Variants in GALNT13 observed in about 807,000 individuals in gnomAD.
GALNT13 encodes polypeptide N-acetylgalactosaminyltransferase 13.
A neutral mutation model predicts 64.2 loss-of-function variants in GALNT13; 28 were observed. That is an observed-to-expected ratio of 0.44 (90% CI 0.32 to 0.60). The LOEUF is 0.60. GALNT13 is among the 20% of genes least tolerant of loss of function. The pLI is 0.05. For missense variants in GALNT13, 577 were observed against 669.8 expected (o/e 0.86, Z 1.53); for synonymous variants, 214 against 224.6 (o/e 0.95, Z 0.42).
chr2:154,089,384 T>G (rs1412472359), intron 3 of GALNT13, among the ~76,000 whole-genome samples: 1 of 152,004 alleles, frequency 6.6e-6, no homozygotes, highest in East Asian at 1.9e-4. Flanking sequence ...GCCCTTTGAG[T>G]GAGTAGAGGC....
intron 2 of GALNT13, among the ~76,000 whole-genome samples, chr2:153,935,781 C>T (rs1395262410): frequency 6.6e-6 from 1 of 152,196 alleles, no homozygotes; most frequent in Non-Finnish European, 1.5e-5. Context: ...GGCTCTGATT[C>T]TGGATCTAGG....
chr2:154,135,340 C>G (rs895406554), intron 3 of GALNT13, among the ~76,000 whole-genome samples: 1 of 152,052 alleles, frequency 6.6e-6, no homozygotes, highest in Non-Finnish European at 1.5e-5. Context: ...TAAAATGCTA[C>G]CTTATTGATT....
chr2:154,234,374 A>T (rs927441035), intron 4 of GALNT13, among the ~76,000 whole-genome samples: 1 of 151,656 alleles, frequency 6.6e-6, no homozygotes, highest in Non-Finnish European at 1.5e-5. Flanking sequence ...CAATGTAGAT[A>T]TCGGAGCAGT....
At chr2:154,207,679 A>G (rs1386907351) in intron 4 of GALNT13, among the ~76,000 whole-genome samples, 1 of 152,208 alleles carries the variant, frequency 6.6e-6, no homozygotes, top group East Asian at 1.9e-4. Context: ...TTAGGATCCC[A>G]GGAAAAAGGG....
chr2:153,344,687 C>T, the GALNT13 span, among the ~76,000 whole-genome samples: 1 of 152,096 alleles, frequency 6.6e-6, no homozygotes, highest in Non-Finnish European at 1.5e-5. Flanking sequence ...CATCATGTGA[C>T]TATAGATAAT....
chr2:153,789,776 C>CAT, the GALNT13 span, among the ~76,000 whole-genome samples: 53 of 152,118 alleles, frequency 3.5e-4, no homozygotes, highest in Admixed American at 1.8e-3. Flanking sequence ...CAGAAAAACA[C>CAT]ATAACAATTA....
the GALNT13 span, among the ~76,000 whole-genome samples, chr2:153,359,730 ATATGACACAGATGTTGAAAG>A: frequency 6.6e-6 from 1 of 151,870 alleles, no homozygotes; most frequent in South Asian, 2.1e-4. Flanking sequence ...TAAAACTCAG[ATATGACACAGATGTTGAAAG>A]TATTTGACAG....
At chr2:153,912,181 G>A (rs997537075) in intron 2 of GALNT13, among the ~76,000 whole-genome samples, 1 of 151,906 alleles carries the variant, frequency 6.6e-6, no homozygotes, top group African/African-American at 2.4e-5. Flanking sequence ...TCTTTACTCA[G>A]CTTGGTCTAA....
chr2:154,136,642 T>G (rs982222666), intron 3 of GALNT13, among the ~76,000 whole-genome samples: 1 of 152,152 alleles, frequency 6.6e-6, no homozygotes, highest in Non-Finnish European at 1.5e-5. Context: ...TTAAATTTTT[T>G]AAGTAGGTTC....
At chr2:153,609,084 GT>G in the GALNT13 span, among the ~76,000 whole-genome samples, 1 of 142,764 alleles carries the variant, frequency 7.0e-6, no homozygotes, top group Non-Finnish European at 1.5e-5. Context: ...GACCAGCTAA[GT>G]TTTTTTGTTT....
chr2:153,640,854 G>C, the GALNT13 span, among the ~76,000 whole-genome samples: 1 of 152,096 alleles, frequency 6.6e-6, no homozygotes. Flanking sequence ...GAAGAATAAT[G>C]TTAGCTTAAC....
chr2:154,310,841 C>A (rs1022149263), intron 9 of GALNT13, among the ~76,000 whole-genome samples: 10 of 151,896 alleles, frequency 6.6e-5, no homozygotes. Flanking sequence ...AAAAATACGG[C>A]CTTCCACATA....
chr2:154,392,682 A>G (rs1331498223), intron 9 of GALNT13, among the ~76,000 whole-genome samples: 1 of 152,150 alleles, frequency 6.6e-6, no homozygotes, highest in Non-Finnish European at 1.5e-5. Flanking sequence ...TGGTTAAGAC[A>G]GATTCAATTA....
chr2:154,079,686 A>C (rs1701172752), intron 3 of GALNT13, among the ~76,000 whole-genome samples: 1 of 151,562 alleles, frequency 6.6e-6, no homozygotes, highest in Admixed American at 6.6e-5. Context: ...ATGAGCATGC[A>C]GAGTGTGATT....
At chr2:153,583,245 C>G in the GALNT13 span, among the ~76,000 whole-genome samples, 2 of 152,050 alleles carry the variant, frequency 1.3e-5, no homozygotes, top group Non-Finnish European at 2.9e-5. Context: ...AGCTGATAGG[C>G]TGAGCAAAAA....
At chr2:153,669,578 G>T in the GALNT13 span, among the ~76,000 whole-genome samples, 214 of 152,204 alleles carry the variant, frequency 1.4e-3, no homozygotes, top group African/African-American at 5.1e-3. Context: ...GGCCAAATAG[G>T]AACAGCTCTG....
intron 3 of GALNT13, among the ~76,000 whole-genome samples, chr2:154,026,412 C>T (rs1298063223): frequency 6.6e-6 from 1 of 152,096 alleles, no homozygotes. Context: ...CTTGTGTTCC[C>T]TGTTGATCAT....
the GALNT13 span, among the ~76,000 whole-genome samples, chr2:153,135,987 TG>T: frequency 6.6e-6 from 1 of 152,104 alleles, no homozygotes; most frequent in South Asian, 2.1e-4. Flanking sequence ...GATGCAGGAA[TG>T]GTTGGTCAAT....
chr2:153,904,098 G>A (rs1337360736), intron 2 of GALNT13, among the ~76,000 whole-genome samples: 2 of 151,918 alleles, frequency 1.3e-5, no homozygotes, highest in Admixed American at 6.6e-5. Context: ...TCAGTGTATG[G>A]TGTCCTTTTC....
Sources: gnomAD v4.1 joint callset for allele counts (sites outside exome capture counted in the v4.1 genomes callset) on GRCh38, gnomAD v4.1.1 for gene constraint, MANE v1.5 for transcripts, NCBI Gene and HGNC (gene_info 2026-07-23, HGNC 2026-07-21) for gene names.